The following PTPRS variants were observed in gnomAD, a reference collection of about 807,000 sequenced individuals.
PTPRS encodes the protein protein tyrosine phosphatase receptor type S.
Under a neutral mutation model 215.3 loss-of-function variants are expected in PTPRS, and 63 were observed. That is an observed-to-expected ratio of 0.29 (90% CI 0.24 to 0.36). PTPRS has a LOEUF of 0.36. PTPRS is among the 10% of genes least tolerant of loss of function. PTPRS has a pLI of 1.00. For missense variants in PTPRS, 2,258 were observed against 2,825.8 expected (o/e 0.80, Z 4.56); for synonymous variants, 1,404 against 1,191.4 (o/e 1.18, Z -3.68).
At chr19:5,307,992 C>T (rs1459912647) in intron 1 of PTPRS, among the ~76,000 whole-genome samples, 3 of 152,050 alleles carry the variant, frequency 2.0e-5, no homozygotes, top group Non-Finnish European at 4.4e-5. Flanking sequence ...ACAAGGTGGT[C>T]CTTTATGGAA....
intron 1 of PTPRS, among the ~76,000 whole-genome samples, chr19:5,298,293 C>T (rs2049201259): frequency 6.6e-6 from 1 of 152,196 alleles, no homozygotes; most frequent in African/African-American, 2.4e-5. Flanking sequence ...CCTGAAGAAA[C>T]TTCCAAAGCA....
intron 1 of PTPRS, among the ~76,000 whole-genome samples, chr19:5,334,832 G>A (rs985027877): frequency 2.0e-5 from 3 of 152,142 alleles, no homozygotes; most frequent in Admixed American, 6.5e-5. Context: ...GCAAAATAGG[G>A]CTCAGATCAC....
In PTPRS at chr19:5,237,413, G is replaced by A. The variant is rs994107734; in HGVS notation, c.1849+1506C>T. Among the ~76,000 whole-genome samples the A allele has an allele frequency of 2.0e-5, 3 of 152,242 alleles. No individual in the cohort carries two copies. The highest frequency in any genetic ancestry group is 2.9e-5 in the Non-Finnish European group (2 of 68,038). On this transcript the variant is annotated intron_variant, in intron 13 of 37. Transcript: ENST00000262963. This position sits in a 1 kb window ranked among gnomAD's most constrained non-coding sequence, Gnocchi z 4.2. ...ACTCCCTGTCCTGGGCCGCCCCGGA[G>A]GTTCGCGTGGCTGGGCCGAAGCCGC...
At chr19:5,328,563 G>A (rs72985199) in intron 1 of PTPRS, among the ~76,000 whole-genome samples, 4,465 of 152,164 alleles carry the variant, frequency 0.029, 90 homozygotes, top group South Asian at 0.082. Context: ...CAGACACTAC[G>A]GATATTCATC....
chr19:5,217,748 T>C (rs10403242), intron 25 of PTPRS, among the ~76,000 whole-genome samples: 13,443 of 152,134 alleles, frequency 0.088, 706 homozygotes, highest in African/African-American at 0.14. Flanking sequence ...ATAAGGAGAA[T>C]AGCAGCCATC....
intron 17 of PTPRS, among the ~76,000 whole-genome samples, chr19:5,224,310 A>G (rs1382051439): frequency 6.6e-6 from 1 of 152,190 alleles, no homozygotes; most frequent in Non-Finnish European, 1.5e-5. Context: ...AAAGGTGTAG[A>G]GCCGGCACTG....
chr19:5,268,361 C>T (rs1260669969), intron 4 of PTPRS, among the ~76,000 whole-genome samples: 1 of 151,990 alleles, frequency 6.6e-6, no homozygotes, highest in African/African-American at 2.4e-5. Flanking sequence ...GTGCTGCTTC[C>T]TGGCGTAGAC....
At chr19:5,326,956 T>G (rs2050185206) in intron 1 of PTPRS, among the ~76,000 whole-genome samples, 1 of 152,108 alleles carries the variant, frequency 6.6e-6, no homozygotes. Context: ...CAGAGTGACC[T>G]CGGCACAGAC....
intron 30 of PTPRS, 143 bp from the exon 31 acceptor site, chr19:5,212,634 A>C: frequency 1.1e-6 from 1 of 895,668 alleles, no homozygotes; most frequent in South Asian, 1.7e-5. Context: ...ACCTGAGGTC[A>C]GGAGTTCGAG....
intron 16 of PTPRS, 53 bp downstream of exon 16, chr19:5,229,263 A>ACGGCC: frequency 7.3e-7 from 1 of 1,361,448 alleles, no homozygotes; most frequent in Non-Finnish European, 9.5e-7. Flanking sequence ...ACAGCACAGC[A>ACGGCC]CGGCCCGCGG....
At chr19:5,284,253 G>A (rs529229983) in intron 2 of PTPRS, among the ~76,000 whole-genome samples, 6 of 152,034 alleles carry the variant, frequency 3.9e-5, no homozygotes, top group South Asian at 2.1e-4. Context: ...CCAGCTACTC[G>A]GGAGGCTGAG....
intron 1 of PTPRS, among the ~76,000 whole-genome samples, chr19:5,333,670 C>G (rs924741742): frequency 6.6e-6 from 1 of 152,030 alleles, no homozygotes; most frequent in Non-Finnish European, 1.5e-5. Context: ...TGGTGCCCCC[C>G]ACACCAGTTC....
intron 7 of PTPRS, 21 bp downstream of exon 7, chr19:5,260,784 G>C (rs954187776): frequency 1.5e-5 from 24 of 1,613,628 alleles, no homozygotes; most frequent in Non-Finnish European, 2.0e-5. Context: ...TGAGTGGGTG[G>C]GTGAGTGAGG....
rs2044102246 is a variant in PTPRS at position 5,242,244 on chromosome 19, G to A, written c.1570+1657C>T. On this transcript the variant is annotated intron_variant, in intron 11 of 37. Coordinates refer to ENST00000262963, the MANE Select transcript of PTPRS (RefSeq NM_002850.4). Reference sequence around the variant, plus strand: ...AGGGGTGAGGAGTTAACAGAGAAGAGGGAAGGAAGCACACACAGCCCCCCT... The same window carrying A: ...AGGGGTGAGGAGTTAACAGAGAAGAAGGAAGGAAGCACACACAGCCCCCCT... Among the ~76,000 whole-genome samples, 3 of 152,240 alleles carry A rather than the reference G, an allele frequency of 2.0e-5. No homozygotes were observed. In the South Asian group the frequency reaches 6.2e-4, roughly 31 times the overall value.
At chr19:5,281,318 C>T (rs80255674) in intron 2 of PTPRS, among the ~76,000 whole-genome samples, 1 of 151,794 alleles carries the variant, frequency 6.6e-6, no homozygotes, top group Admixed American at 6.6e-5. Context: ...AAAATTAGCC[C>T]GGCATGGTGG....
intron 1 of PTPRS, among the ~76,000 whole-genome samples, chr19:5,290,436 C>T (rs964747104): frequency 3.9e-5 from 6 of 152,198 alleles, no homozygotes; most frequent in Non-Finnish European, 7.4e-5. Flanking sequence ...TAATGGGGGG[C>T]GAGTGGGCAC....
intron 25 of PTPRS, among the ~76,000 whole-genome samples, chr19:5,217,025 T>C (rs1279224241): frequency 2.6e-5 from 4 of 152,136 alleles, no homozygotes; most frequent in Non-Finnish European, 4.4e-5. Context: ...GGTTCTTCTG[T>C]CTACAGATCC....
Position 5,229,632 on chromosome 19 carries a change from G to T in PTPRS, c.2208C>A (p.Ala736=). The T allele has an allele frequency of 7.3e-7, 1 of 1,364,952 alleles. No homozygotes were observed. Among genetic ancestry groups the T allele is most frequent in the Non-Finnish European group, 9.4e-7 (1 of 1,063,556 alleles). 84.6% of individuals were successfully genotyped at this position (1,364,952 alleles called of 1,614,324 possible). A position where few individuals can be genotyped will look rare whatever the true frequency, so the allele number is the denominator to read the frequency against. The change falls in exon 15 of 38, where the codon GCC becomes GCA. Residue 736 remains alanine (A), a synonymous_variant. Coordinates refer to ENST00000262963, the MANE Select transcript of PTPRS (RefSeq NM_002850.4). ...KVEAEALNAT[A]IRVLWRSPAP... ...CGGGCGAGCGCCACAGCACGCGGAT[G>T]GCCGTGGCGTTGAGCGCCTCCGCCT...
chr19:5,250,406 C>T (rs776121785), intron 9 of PTPRS, among the ~76,000 whole-genome samples: 11 of 152,168 alleles, frequency 7.2e-5, no homozygotes, highest in African/African-American at 1.4e-4. Context: ...TTTCCACCCC[C>T]GGCTGCAAGC....
Sources: gnomAD v4.1 joint callset for allele counts (sites outside exome capture counted in the v4.1 genomes callset) on GRCh38, gnomAD v4.1.1 for gene constraint, Gnocchi (gnomAD v3.1) non-coding constraint, MANE v1.5 for transcripts, NCBI Gene and HGNC (gene_info 2026-07-23, HGNC 2026-07-21) for gene names.